The following THRB variants were observed in gnomAD, a reference collection of about 807,000 sequenced individuals.
The protein encoded by THRB is thyroid hormone receptor beta.
In THRB, 12 loss-of-function variants were observed where a neutral mutation model predicts 47.8. The observed-to-expected ratio is 0.25, with a 90% confidence interval of 0.16 to 0.41. THRB has a LOEUF of 0.41. Among genes scored for constraint, THRB ranks in the 10% least tolerant of loss-of-function variants. The pLI is 1.00. For synonymous variants in THRB, 218 were observed against 212.2 expected (o/e 1.03, Z -0.24); for missense variants, 348 against 589.2 (o/e 0.59, Z 4.24).
At chr3:24,203,527 G>A (rs527922393) in intron 4 of THRB, among the ~76,000 whole-genome samples, 44 of 152,316 alleles carry the variant, frequency 2.9e-4, no homozygotes, top group South Asian at 6.2e-4. Flanking sequence ...GTTTTGGGGC[G>A]GTTCTCAGAT....
At chr3:24,181,431 T>C (rs2041883942) in intron 5 of THRB, among the ~76,000 whole-genome samples, 1 of 152,254 alleles carries the variant, frequency 6.6e-6, no homozygotes, top group Non-Finnish European at 1.5e-5. Context: ...AACATTCTCC[T>C]ATGTGTTTAC....
intron 10 of THRB, among the ~76,000 whole-genome samples, chr3:24,124,340 T>G: frequency 6.6e-6 from 1 of 152,236 alleles, no homozygotes; most frequent in African/African-American, 2.4e-5. Context: ...GATTTGCTGG[T>G]TCTCCCTCTC....
intron 1 of THRB, among the ~76,000 whole-genome samples, chr3:24,370,242 T>C (rs1263074714): frequency 6.6e-6 from 1 of 152,148 alleles, no homozygotes; most frequent in Non-Finnish European, 1.5e-5. Context: ...TCCCCTTTAT[T>C]GTCTGCAGTG....
At chr3:24,193,280 A>G (rs1213126766) in intron 4 of THRB, among the ~76,000 whole-genome samples, 1 of 152,196 alleles carries the variant, frequency 6.6e-6, no homozygotes, top group East Asian at 1.9e-4. Context: ...TCAAAGTTTG[A>G]TGTGTATCAG....
intron 1 of THRB, among the ~76,000 whole-genome samples, chr3:24,490,062 T>TC (rs1697906578): frequency 1.3e-5 from 2 of 152,268 alleles, no homozygotes; most frequent in Middle Eastern, 3.4e-3. Context: ...TATGAGAGAC[T>TC]CCAACAGGTA....
chr3:24,437,517 A>G lies in THRB; in HGVS notation c.-261+57135T>C, dbSNP rs541910908. On this transcript the variant is annotated intron_variant, in intron 1 of 10. Coordinates refer to ENST00000646209, the MANE Select transcript of THRB (RefSeq NM_001354712.2). Reference sequence around the variant, plus strand: ...ATTGACTGTACATTTCAAAATAGCTAGAAGAGAACTGGAATGTTTCCAACC... The same window carrying G: ...ATTGACTGTACATTTCAAAATAGCTGGAAGAGAACTGGAATGTTTCCAACC... Among the ~76,000 whole-genome samples the G allele has an allele frequency of 1.2e-3, 187 of 152,326 alleles. 1 individual carries two copies. Among genetic ancestry groups the G allele is most frequent in the African/African-American group, 4.3e-3 (178 of 41,578 alleles).
chr3:24,221,372 G>C (rs1024386411), intron 4 of THRB, among the ~76,000 whole-genome samples: 1 of 152,138 alleles, frequency 6.6e-6, no homozygotes, highest in Admixed American at 6.6e-5. Context: ...ACAGAACCTT[G>C]TTAAGTTATA....
intron 3 of THRB, among the ~76,000 whole-genome samples, chr3:24,229,590 C>T (rs1023111043): frequency 2.0e-5 from 3 of 152,174 alleles, no homozygotes; most frequent in Admixed American, 6.5e-5. Context: ...TTAATGAGAT[C>T]CAAGAGCAAC....
At chr3:24,401,705 C>T (rs983266139) in intron 1 of THRB, among the ~76,000 whole-genome samples, 2 of 151,988 alleles carry the variant, frequency 1.3e-5, no homozygotes, top group African/African-American at 4.8e-5. Context: ...TGGCTCTCCA[C>T]AGTGAGTCTG....
intron 1 of THRB, among the ~76,000 whole-genome samples, chr3:24,462,223 T>G (rs927238931): frequency 6.6e-6 from 1 of 152,216 alleles, no homozygotes; most frequent in African/African-American, 2.4e-5. Flanking sequence ...TGGCAAGGAC[T>G]TGGGCTTGAG....
In THRB at chr3:24,430,073, AC is replaced by A. The variant is rs1278996570; in HGVS notation, c.-261+64578del. The A allele has an allele frequency of 3.3e-5, 5 of 152,226 alleles. No homozygotes were observed. The Middle Eastern group carries it at 0.014, about 411-fold the overall frequency. The allele number at this position is 152,226 out of a possible 1,614,324, so 9.4% of individuals were successfully genotyped here. On this transcript the variant is annotated intron_variant, in intron 1 of 10. Transcript: ENST00000646209. ...GGTGATGATGAGGACTATATCATGT[AC>A]TAGCAAGTGCTATAAGGAGAAATTA...
intron 1 of THRB, among the ~76,000 whole-genome samples, chr3:24,339,790 A>G (rs1435062559): frequency 1.3e-5 from 2 of 152,162 alleles, no homozygotes; most frequent in Non-Finnish European, 2.9e-5. Flanking sequence ...GGGGCTGTGA[A>G]TTTCTTCATG....
rs145050133 is a variant in THRB at position 24,438,506 on chromosome 3, G to GGTGTGTGTGTGT, written c.-261+56134_-261+56145dup. 9.1e-3 allele frequency among the ~76,000 whole-genome samples: 1,323 copies of GGTGTGTGTGTGT among 145,952 alleles called. 9 individuals are homozygous for GGTGTGTGTGTGT. The highest frequency in any genetic ancestry group is 0.029 in the Middle Eastern group (8 of 280). On this transcript the variant is annotated intron_variant, in intron 1 of 10. Coordinates refer to ENST00000646209, the MANE Select transcript of THRB (RefSeq NM_001354712.2). ...ATGCCATTGTCAGAGAGAACAAAAAGGTGTGTGTGTGTGTGTGTGTGTGTG... is the reference window on the plus strand; with the variant it reads ...ATGCCATTGTCAGAGAGAACAAAAAGGTGTGTGTGTGTGTGTGTGTGTGTGTGTGTGTGTGTG...
intron 2 of THRB, among the ~76,000 whole-genome samples, chr3:24,316,240 C>T (rs905924228): frequency 3.3e-5 from 5 of 152,126 alleles, no homozygotes; most frequent in Admixed American, 3.3e-4. Flanking sequence ...TGGTCAACCA[C>T]CAAAACAAAA....
At chr3:24,125,227 T>G (rs994423776) in intron 10 of THRB, among the ~76,000 whole-genome samples, 2 of 152,340 alleles carry the variant, frequency 1.3e-5, no homozygotes, top group African/African-American at 4.8e-5. Context: ...CCTTTGTTAC[T>G]TTGGAGCTGA....
intron 2 of THRB, among the ~76,000 whole-genome samples, chr3:24,329,313 C>T (rs781089737): frequency 6.6e-6 from 1 of 152,208 alleles, no homozygotes. Context: ...TTTGCATATT[C>T]TACTTCCCCT....
intron 5 of THRB, among the ~76,000 whole-genome samples, chr3:24,173,293 C>T (rs1380748862): frequency 6.6e-6 from 1 of 152,154 alleles, no homozygotes; most frequent in African/African-American, 2.4e-5. Context: ...ATTCTCAAAA[C>T]TTCTGTCTTC....
intron 3 of THRB, among the ~76,000 whole-genome samples, chr3:24,245,795 C>A (rs928404226): frequency 2.0e-5 from 3 of 152,146 alleles, no homozygotes; most frequent in Non-Finnish European, 4.4e-5. Context: ...TGCCTGTAAT[C>A]CCAGCTACTT....
intron 6 of THRB, among the ~76,000 whole-genome samples, chr3:24,148,183 G>A (rs2036378125): frequency 6.6e-6 from 1 of 152,192 alleles, no homozygotes. Flanking sequence ...CTGGGGTGCA[G>A]TGGTGCGATC....
Sources: gnomAD v4.1 joint callset for allele counts (sites outside exome capture counted in the v4.1 genomes callset) on GRCh38, gnomAD v4.1.1 for gene constraint, MANE v1.5 for transcripts, NCBI Gene and HGNC (gene_info 2026-07-23, HGNC 2026-07-21) for gene names.